Variants in SFMBT2 observed in about 807,000 individuals in gnomAD.
SFMBT2 encodes the protein scm-like with four MBT domains protein 2.
A neutral mutation model predicts 110.1 loss-of-function variants in SFMBT2; 38 were observed. That is an observed-to-expected ratio of 0.35 (90% CI 0.27 to 0.45). The LOEUF (loss-of-function observed/expected upper bound fraction) is 0.45. SFMBT2 is among the 20% of genes least tolerant of loss of function. SFMBT2 has a pLI of 1.00. For synonymous variants in SFMBT2, 425 were observed against 425.4 expected, an observed-to-expected ratio of 1.00 and a Z score of 0.01; for missense variants, 1,011 against 1,094.9, an observed-to-expected ratio of 0.92 and a Z score of 1.08.
At chr10:7,212,675 C>T (rs1564386478) in intron 11 of SFMBT2, among the ~76,000 whole-genome samples, 1 of 152,208 alleles carries the variant, frequency 6.6e-6, no homozygotes. Flanking sequence ...CTATCACTAG[C>T]TGTTTTATAC....
intron 4 of SFMBT2, among the ~76,000 whole-genome samples, chr10:7,290,514 C>T (rs1456642426): frequency 2.6e-5 from 4 of 152,054 alleles, no homozygotes; most frequent in Admixed American, 1.3e-4. Flanking sequence ...AAGATGGACC[C>T]AAATCCCACA....
intron 7 of SFMBT2, among the ~76,000 whole-genome samples, chr10:7,264,827 T>C (rs1564411739): frequency 6.6e-6 from 1 of 151,718 alleles, no homozygotes; most frequent in Non-Finnish European, 1.5e-5. Flanking sequence ...GGCTTATTCC[T>C]CAAGTTCCTT....
At position 7,190,182 on chromosome 10, in the gene SFMBT2, C is replaced by T. The variant is rs78810049; in HGVS notation, c.1699-1449G>A. 5.2e-3 allele frequency among the ~76,000 whole-genome samples: 788 copies of T among 151,992 alleles called. 4 individuals are homozygous for T. Among genetic ancestry groups the T allele is most frequent in the Non-Finnish European group, 7.3e-3 (498 of 67,996 alleles). ...GCTAAAAAGCCATGACAAGGCGGTA[C>T]CGGCAGTTTTGTTGCGTTTGTGTTT... On this transcript the variant is annotated intron_variant, in intron 15 of 20. Coordinates refer to ENST00000397167, the MANE Select transcript of SFMBT2 (RefSeq NM_001387889.1).
chr10:7,175,851 A>C, intron 17 of SFMBT2, 139 bp downstream of exon 17: 1 of 762,772 alleles, frequency 1.3e-6, no homozygotes. Context: ...ATCCTTAAAA[A>C]TCCTTCCATA....
intron 7 of SFMBT2, among the ~76,000 whole-genome samples, chr10:7,269,394 C>A (rs978911204): frequency 6.6e-6 from 1 of 152,136 alleles, no homozygotes; most frequent in African/African-American, 2.4e-5. Context: ...TGAACACATC[C>A]CCCCAACGTG....
At chr10:7,243,063 TAA>T (rs1840485108) in intron 9 of SFMBT2, among the ~76,000 whole-genome samples, 1 of 152,200 alleles carries the variant, frequency 6.6e-6, no homozygotes, top group Non-Finnish European at 1.5e-5. Context: ...AATCCCAATT[TAA>T]AATTATTTTA....
rs1021750572 is a variant in SFMBT2, at chr10:7,163,702, G to A, written c.*68C>T. On this transcript the variant is annotated 3_prime_UTR_variant, in exon 21 of 21. Coordinates refer to ENST00000397167, the MANE Select transcript of SFMBT2 (RefSeq NM_001387889.1). This position sits in a 1 kb window ranked among gnomAD's most constrained non-coding sequence, Gnocchi z 4.8. ...ATTTAACATATCCCGGAAAATCAAA[G>A]TTTCAGTCCTGGAAACCTTTACCAA... 3.8e-5 allele frequency: 54 copies of A among 1,424,854 alleles called. No individual in the cohort carries two copies. In the East Asian group the frequency reaches 1.1e-3, roughly 30 times the overall value. The allele number at this position is 1,424,854 out of a possible 1,614,324, so 88.3% of individuals were successfully genotyped here.
chr10:7,263,273 C>T (rs1385153693), intron 7 of SFMBT2, among the ~76,000 whole-genome samples: 2 of 151,748 alleles, frequency 1.3e-5, no homozygotes, highest in Non-Finnish European at 2.9e-5. Flanking sequence ...CAGAGTTTCT[C>T]CCTCGTCGCC....
chr10:7,368,002 T>C (rs1844957810), intron 3 of SFMBT2, 113 bp from the exon 4 acceptor site: 3 of 1,401,652 alleles, frequency 2.1e-6, no homozygotes, highest in East Asian at 4.8e-5. Context: ...CCTGTTGCTC[T>C]AAAACAGGCA....
intron 4 of SFMBT2, among the ~76,000 whole-genome samples, chr10:7,343,315 C>T (rs555981710): frequency 3.3e-5 from 5 of 151,970 alleles, no homozygotes; most frequent in Admixed American, 6.6e-5. Context: ...AGGTTGATTC[C>T]ATGCCTTTGC....
At chr10:7,338,477 C>T (rs1397655738) in intron 4 of SFMBT2, among the ~76,000 whole-genome samples, 16 of 152,220 alleles carry the variant, frequency 1.1e-4, no homozygotes, top group African/African-American at 4.8e-5. Flanking sequence ...GTACTCTTAT[C>T]GTCAAGTATG....
intron 1 of SFMBT2, among the ~76,000 whole-genome samples, chr10:7,399,178 G>C (rs553037144): frequency 7.9e-5 from 12 of 152,294 alleles, no homozygotes; most frequent in African/African-American, 2.6e-4. Context: ...TGTAGCTGGA[G>C]ATTCCTACAA....
rs143928009 is a variant in SFMBT2, at chr10:7,207,902, G to C, written c.1331-1974C>G. On this transcript the variant is annotated intron_variant, in intron 11 of 20. Coordinates refer to ENST00000397167, the MANE Select transcript of SFMBT2 (RefSeq NM_001387889.1). Reference sequence around the variant, plus strand: ...TTGTCATTCATCATTTTGAACTTTTGATTGGTTCTCAAATCAATTATCACC... The same window carrying C: ...TTGTCATTCATCATTTTGAACTTTTCATTGGTTCTCAAATCAATTATCACC... Among the ~76,000 whole-genome samples, 5 of 152,270 alleles carry C rather than the reference G, an allele frequency of 3.3e-5. No individual in the cohort carries two copies. The East Asian group carries it at 9.6e-4, about 29-fold the overall frequency.
At chr10:7,268,041 A>G (rs1841450141) in intron 7 of SFMBT2, among the ~76,000 whole-genome samples, 3 of 152,266 alleles carry the variant, frequency 2.0e-5, no homozygotes, top group South Asian at 2.1e-4. Context: ...GTACAATTTA[A>G]TATTTGCAAA....
chr10:7,403,645 A>G (rs187024733), intron 1 of SFMBT2, among the ~76,000 whole-genome samples: 4 of 152,356 alleles, frequency 2.6e-5, no homozygotes, highest in African/African-American at 9.6e-5. Flanking sequence ...CTGTCTCAAA[A>G]TAAGTAAATA....
chr10:7,262,521 T>A (rs1383295778), intron 7 of SFMBT2, among the ~76,000 whole-genome samples: 1 of 152,122 alleles, frequency 6.6e-6, no homozygotes, highest in Admixed American at 6.5e-5. Flanking sequence ...CCCTGCAAGT[T>A]CCCCGGGAAC....
chr10:7,390,031 A>G (rs754468556), intron 1 of SFMBT2, among the ~76,000 whole-genome samples: 2 of 152,196 alleles, frequency 1.3e-5, no homozygotes, highest in Non-Finnish European at 2.9e-5. Context: ...CTAGCCAAAC[A>G]TAACTGGGGG....
intron 16 of SFMBT2, among the ~76,000 whole-genome samples, chr10:7,180,973 A>G (rs1838228241): frequency 6.6e-6 from 1 of 152,186 alleles, no homozygotes; most frequent in South Asian, 2.1e-4. Context: ...GGGTGAACAC[A>G]GCAGGCCTGA....
chr10:7,388,326 GGATGATGAT>G (rs113666945), intron 1 of SFMBT2, among the ~76,000 whole-genome samples: 33 of 146,168 alleles, frequency 2.3e-4, no homozygotes, highest in Middle Eastern at 3.4e-3. Flanking sequence ...AAACAAAGAA[GGATGATGAT>G]GATGATGATG....
Sources: gnomAD v4.1 joint callset for allele counts (sites outside exome capture counted in the v4.1 genomes callset) on GRCh38, gnomAD v4.1.1 for gene constraint, Gnocchi (gnomAD v3.1) non-coding constraint, MANE v1.5 for transcripts, NCBI Gene and HGNC (gene_info 2026-07-23, HGNC 2026-07-21) for gene names.